MTMR2: variants seen among roughly 807,000 people sequenced by gnomAD.
MTMR2 encodes phosphatidylinositol-3,5-bisphosphate 3-phosphatase MTMR2.
MTMR2 carries 55 observed loss-of-function variants against 86.9 expected under a neutral mutation model. The observed-to-expected ratio is 0.63, with a 90% CI of 0.51 to 0.79. The LOEUF (loss-of-function observed/expected upper bound fraction) is 0.79. Ranked by LOEUF, MTMR2 falls within the 30% of genes least tolerant of loss-of-function variation. The probability of loss-of-function intolerance (pLI) is 0.00; values close to 1 mark genes in which losing one functional copy is unlikely to be tolerated. For missense variants in MTMR2, 659 were observed against 772.3 expected (o/e 0.85, Z 1.74); for synonymous variants, 241 against 266.8 (o/e 0.90, Z 0.94).
chr11:95,835,126 C>T lies in MTMR2; in HGVS notation c.*164G>A. 1.4e-6 allele frequency: 1 copy of T among 704,262 alleles called. No individual in the cohort carries two copies. Among genetic ancestry groups the T allele is most frequent in the Admixed American group, 2.4e-5 (1 of 42,030 alleles). The allele number at this position is 704,262 out of a possible 1,614,324, so 43.6% of individuals were successfully genotyped here. On this transcript the variant is annotated 3_prime_UTR_variant, in exon 15 of 15. Coordinates refer to ENST00000346299, the MANE Select transcript of MTMR2 (RefSeq NM_016156.6). ...ATATGGAGTTACTTCACTTAAGCCA[C>T]CTGCACTGCTACAGTTCTAAACTCA...
intron 1 of MTMR2, among the ~76,000 whole-genome samples, chr11:95,905,331 GCA>G (rs10552965): frequency 0.51 from 74,998 of 147,820 alleles, 20,369 homozygotes; most frequent in East Asian, 0.69. Context: ...ACGCACCTGC[GCA>G]CACACACACA....
intron 1 of MTMR2, among the ~76,000 whole-genome samples, chr11:95,910,582 T>G (rs1219806262): frequency 6.6e-6 from 1 of 152,102 alleles, no homozygotes; most frequent in Admixed American, 6.6e-5. Context: ...CTGACCATAG[T>G]CATTACAATA....
chr11:95,878,291 G>C (rs1865197344), intron 2 of MTMR2, among the ~76,000 whole-genome samples: 1 of 150,508 alleles, frequency 6.6e-6, no homozygotes, highest in Non-Finnish European at 1.5e-5. Flanking sequence ...TTCAGGGAGA[G>C]GGGAAAATGA....
chr11:95,898,084 TG>T (rs1287401400), intron 1 of MTMR2, among the ~76,000 whole-genome samples: 1 of 152,114 alleles, frequency 6.6e-6, no homozygotes, highest in Non-Finnish European at 1.5e-5. Flanking sequence ...ATATGGTTTT[TG>T]TTCACAAGTC....
intron 1 of MTMR2, among the ~76,000 whole-genome samples, chr11:95,907,688 G>C (rs570524609): frequency 6.6e-6 from 1 of 152,116 alleles, no homozygotes; most frequent in African/African-American, 2.4e-5. Flanking sequence ...CTTTCTCCCC[G>C]GGATGCAAGG....
intron 2 of MTMR2, among the ~76,000 whole-genome samples, chr11:95,886,411 T>C (rs528365856): frequency 3.9e-4 from 60 of 152,278 alleles, no homozygotes; most frequent in African/African-American, 1.4e-3. Flanking sequence ...TGGCCCTCAT[T>C]TTGTCCAAAT....
At chr11:95,865,416 C>T in intron 3 of MTMR2, 185 bp downstream of exon 3, 2 of 621,618 alleles carry the variant, frequency 3.2e-6, no homozygotes, top group South Asian at 4.1e-5. Context: ...CAAACACAAA[C>T]ACTAGCAGCG....
At chr11:95,885,314 G>GT (rs1380281644) in intron 2 of MTMR2, among the ~76,000 whole-genome samples, 1 of 151,820 alleles carries the variant, frequency 6.6e-6, no homozygotes, top group African/African-American at 2.4e-5. Context: ...TTTTTCTTTT[G>GT]TAAAAAAAAT....
In MTMR2 at chr11:95,850,733, C is replaced by G; in HGVS notation, c.671G>C (p.Ser224Thr). The G allele has an allele frequency of 6.2e-7, 1 of 1,613,526 alleles. No individual in the cohort carries two copies. Among genetic ancestry groups the G allele is most frequent in the Non-Finnish European group, 8.5e-7 (1 of 1,179,644 alleles). The change falls in exon 8 of 15, where the codon AGC becomes ACC. Residue 224 changes from serine to threonine, a missense_variant. Physicochemically the swap from Ser to Thr is moderately conservative, Grantham distance 58 (BLOSUM62 1). Transcript: ENST00000346299. ...TTCATTTATCTTTGTTATTCTCCAG[C>G]TTTCATTTGGAATTCCCTACATGTG... ...EYRRQGIPNESWRITKINERY... is the reference protein window; with the variant it reads ...EYRRQGIPNETWRITKINERY...
chr11:95,849,552 G>T, intron 9 of MTMR2, 122 bp downstream of exon 9: 1 of 889,900 alleles, frequency 1.1e-6, no homozygotes. Flanking sequence ...AAGTTGAAGA[G>T]CCAAGACAAG....
intron 5 of MTMR2, among the ~76,000 whole-genome samples, chr11:95,859,202 C>CTT (rs1864316126): frequency 6.6e-6 from 1 of 152,126 alleles, no homozygotes. Flanking sequence ...GAAAGTGTTC[C>CTT]TTCCTTCACT....
chr11:95,877,331 CCTTTTTTTTTTTTTTT>C (rs1240735235), intron 2 of MTMR2, among the ~76,000 whole-genome samples: 2 of 94,740 alleles, frequency 2.1e-5, no homozygotes, highest in African/African-American at 9.9e-5. Context: ...ACAGGGAAGC[CCTTTTTTTTTTTTTTT>C]TTTTTTTTTT....
rs576889248 is a variant in MTMR2 at position 95,861,125 on chromosome 11, G to A, written c.468+867C>T. On this transcript the variant is annotated intron_variant, in intron 5 of 14. Transcript: ENST00000346299. The stretch of plus-strand genomic sequence containing the variant: ...CAGTGAGCTGAGATTGTGCCAGCCT[G>A]GGCAACAGAGCGAGACTCCGTCTCA... Among the ~76,000 whole-genome samples, 6 of 150,458 alleles carry A rather than the reference G, an allele frequency of 4.0e-5. No homozygotes were observed. In the South Asian group the frequency reaches 1.3e-3, roughly 32 times the overall value.
At chr11:95,865,910 C>T (rs1565361371) in intron 2 of MTMR2, among the ~76,000 whole-genome samples, 1 of 151,994 alleles carries the variant, frequency 6.6e-6, no homozygotes, top group Admixed American at 6.6e-5. Flanking sequence ...ATTTGTTACA[C>T]AAAAAATTGT....
At chr11:95,875,638 G>A (rs1466220459) in intron 2 of MTMR2, among the ~76,000 whole-genome samples, 10 of 152,340 alleles carry the variant, frequency 6.6e-5, no homozygotes, top group Non-Finnish European at 1.5e-4. Flanking sequence ...CGTTGTTGGT[G>A]AGGAGCTGCG....
chr11:95,841,238 CA>C (rs141483124), intron 12 of MTMR2, among the ~76,000 whole-genome samples: 6 of 148,622 alleles, frequency 4.0e-5, no homozygotes, highest in African/African-American at 4.9e-5. Context: ...GATTGAAATT[CA>C]AAAAAAAAAT....
At chr11:95,918,694 A>C (rs1418436300) in intron 1 of MTMR2, among the ~76,000 whole-genome samples, 1 of 152,216 alleles carries the variant, frequency 6.6e-6, no homozygotes, top group Non-Finnish European at 1.5e-5. Flanking sequence ...TCTGTTTTAC[A>C]GCTATAATTT....
intron 2 of MTMR2, among the ~76,000 whole-genome samples, chr11:95,872,021 G>C (rs537126636): frequency 6.6e-6 from 1 of 152,146 alleles, no homozygotes; most frequent in African/African-American, 2.4e-5. Context: ...TTTTTGTCAG[G>C]TTTGTCAAAG....
intron 1 of MTMR2, among the ~76,000 whole-genome samples, chr11:95,907,570 C>CT (rs1308968960): frequency 6.6e-6 from 1 of 152,060 alleles, no homozygotes; most frequent in Non-Finnish European, 1.5e-5. Flanking sequence ...AAAAAGAAAA[C>CT]TTCAGACAAA....
Sources: allele counts gnomAD v4.1 joint callset (sites outside exome capture counted in the v4.1 genomes callset), GRCh38; gene constraint gnomAD v4.1.1; transcripts MANE v1.5; gene names NCBI Gene and HGNC (gene_info 2026-07-23, HGNC 2026-07-21).